RBBP8: variants seen among roughly 807,000 people sequenced by gnomAD.
RBBP8 encodes RB binding protein 8, endonuclease.
Under a neutral mutation model 108.3 loss-of-function variants are expected in RBBP8, and 88 were observed. The observed-to-expected ratio is 0.81, with a 90% CI of 0.68 to 0.97. The LOEUF (loss-of-function observed/expected upper bound fraction) is 0.97, where lower values mean the gene tolerates loss of function less well. Ranked by LOEUF, RBBP8 falls within the 50% of genes least tolerant of loss-of-function variation. The pLI, the probability that RBBP8 is intolerant of heterozygous loss-of-function variation, is 0.00. For missense variants in RBBP8, 1,023 were observed against 1,049.0 expected, an observed-to-expected ratio of 0.98 and a Z score of 0.34; for synonymous variants, 332 against 348.2, an observed-to-expected ratio of 0.95 and a Z score of 0.52.
At chr18:22,981,996 T>C (rs1411235192) in intron 6 of RBBP8, among the ~76,000 whole-genome samples, 1 of 152,206 alleles carries the variant, frequency 6.6e-6, no homozygotes, top group Non-Finnish European at 1.5e-5. Flanking sequence ...TAATTTCACC[T>C]GAAGTGCTAT....
intron 7 of RBBP8, among the ~76,000 whole-genome samples, chr18:22,983,864 G>A (rs1197352668): frequency 1.3e-5 from 1 of 76,612 alleles, no homozygotes; most frequent in Non-Finnish European, 4.0e-5. Flanking sequence ...GGTGGATCAC[G>A]AGGTCAGGAG....
intron 4 of RBBP8, among the ~76,000 whole-genome samples, chr18:22,958,972 A>AGGGATCTAAT (rs1912833721): frequency 6.6e-6 from 1 of 152,182 alleles, no homozygotes; most frequent in East Asian, 1.9e-4. Flanking sequence ...GCATTAATTC[A>AGGGATCTAAT]GTTATTTCAT....
chr18:23,012,656 A>G (rs1268191303), intron 16 of RBBP8, among the ~76,000 whole-genome samples: 3 of 152,126 alleles, frequency 2.0e-5, no homozygotes, highest in Non-Finnish European at 2.9e-5. Context: ...CCATGTCCAT[A>G]ATATAAAAGT....
At chr18:22,980,835 C>G (rs1411192905) in intron 6 of RBBP8, among the ~76,000 whole-genome samples, 1 of 151,538 alleles carries the variant, frequency 6.6e-6, no homozygotes, top group East Asian at 1.9e-4. Flanking sequence ...CCACCTCACC[C>G]TCCCAAGTAG....
intron 9 of RBBP8, 26 bp from the exon 10 acceptor site, chr18:22,990,911 A>T (rs2144691978): frequency 1.3e-6 from 2 of 1,507,210 alleles, no homozygotes; most frequent in Non-Finnish European, 9.2e-7. Flanking sequence ...CATTACATGG[A>T]TGTGCTTCAT....
In RBBP8 at chr18:22,959,384, T is replaced by C. The variant is rs140798714; in HGVS notation, c.249-9422T>C. ...ACAGATTTTCTTTTCCTTTCTGAAA[T>C]TTTTCCTTGTTCTGATCAACCTTCG... On this transcript the variant is annotated intron_variant, in intron 4 of 18. Coordinates refer to ENST00000327155, the MANE Select transcript of RBBP8 (RefSeq NM_002894.3). Among the ~76,000 whole-genome samples, 127 of 152,314 alleles carry C rather than the reference T, an allele frequency of 8.3e-4. No individual in the cohort carries two copies. The Middle Eastern group carries it at 0.017, about 20-fold the overall frequency.
intron 16 of RBBP8, among the ~76,000 whole-genome samples, chr18:23,014,349 G>A (rs1376088422): frequency 6.6e-6 from 1 of 152,166 alleles, no homozygotes; most frequent in African/African-American, 2.4e-5. Flanking sequence ...TGATTCCTGT[G>A]ATGGGCAAAG....
At chr18:23,024,334 C>T (rs1421166723) in intron 18 of RBBP8, among the ~76,000 whole-genome samples, 2 of 152,112 alleles carry the variant, frequency 1.3e-5, no homozygotes, top group African/African-American at 4.8e-5. Context: ...AATAAGACAA[C>T]ATACTCTTAG....
At chr18:22,928,506 T>C (rs187205060), upstream of RBBP8, among the ~76,000 whole-genome samples, 1 of 151,960 alleles carries the variant, frequency 6.6e-6, no homozygotes, top group Admixed American at 6.6e-5. Context: ...AGAAAAACAT[T>C]GTATGAGCCA....
intron 13 of RBBP8, among the ~76,000 whole-genome samples, chr18:22,996,723 G>A (rs1204785069): frequency 6.6e-6 from 1 of 152,118 alleles, no homozygotes; most frequent in Non-Finnish European, 1.5e-5. Context: ...GTGGGCAGGC[G>A]CAGTGGCTCA....
Position 22,982,290 on chromosome 18 carries a change from C to T in RBBP8, c.501C>T (p.Ala167=), listed in dbSNP as rs1472057483. The T allele has an allele frequency of 1.2e-6, 2 of 1,614,050 alleles. No individual in the cohort carries two copies. The highest frequency in any genetic ancestry group is 1.7e-6 in the Non-Finnish European group (2 of 1,180,020). The change falls in exon 7 of 19, where the codon GCC becomes GCT. Residue 167 remains alanine (A), a synonymous_variant. Coordinates refer to ENST00000327155, the MANE Select transcript of RBBP8 (RefSeq NM_002894.3). ...EDVIPDSPIT[A]FSFSGVNRLR... ...TTATTCCAGATTCACCGATAACAGC[C>T]TTCTCATTTTCTGGCGTTAACCGGC...
rs1300240026 is a variant in RBBP8 at position 22,969,028 on chromosome 18, T to C, written c.361+110T>C. 1.5e-5 allele frequency: 13 copies of C among 843,822 alleles called. No homozygotes were observed. The African/African-American group carries it at 2.1e-4, about 14-fold the overall frequency. The allele number at this position is 843,822 out of a possible 1,614,324, so 52.3% of individuals were successfully genotyped here. On this transcript the variant is annotated intron_variant, in intron 5 of 18. Transcript: ENST00000327155. ...GATGGTTTACATATATTTTTCCTTA[T>C]TTAGTAAAAGTTCAAATGTCCTTTT... is the stretch of plus-strand genomic sequence containing the variant.
At chr18:23,002,069 C>T (rs892979872) in intron 15 of RBBP8, among the ~76,000 whole-genome samples, 7 of 152,088 alleles carry the variant, frequency 4.6e-5, no homozygotes, top group Non-Finnish European at 8.8e-5. Context: ...TGAGAAATGT[C>T]TATTAATTAT....
chr18:22,928,920 T>C (rs771756781), upstream of RBBP8, among the ~76,000 whole-genome samples: 4 of 152,132 alleles, frequency 2.6e-5, no homozygotes, highest in Non-Finnish European at 4.4e-5. Flanking sequence ...TCCAACCACC[T>C]CGGCCTCCCA....
At chr18:22,943,302 G>A (rs1301666404) in intron 2 of RBBP8, among the ~76,000 whole-genome samples, 2 of 152,042 alleles carry the variant, frequency 1.3e-5, no homozygotes, top group African/African-American at 4.8e-5. Context: ...AGCTAGGCAT[G>A]GTGGTGTGTG....
chr18:22,968,697 T>G (rs1308914468), intron 4 of RBBP8, 109 bp from the exon 5 acceptor site: 4 of 825,674 alleles, frequency 4.8e-6, no homozygotes, highest in Non-Finnish European at 8.1e-6. Flanking sequence ...ATCTAGTTGA[T>G]TTTCACAGTA....
chr18:23,014,875 T>C (rs2046230942), intron 16 of RBBP8, among the ~76,000 whole-genome samples: 1 of 152,040 alleles, frequency 6.6e-6, no homozygotes, highest in Admixed American at 6.6e-5. Context: ...TTTTCTTTTT[T>C]CTGGTTTTTT....
chr18:22,923,671 G>C (rs1909684734), intron 3 of RBBP8, among the ~76,000 whole-genome samples: 1 of 152,138 alleles, frequency 6.6e-6, no homozygotes, highest in African/African-American at 2.4e-5. Flanking sequence ...CATAGTACAA[G>C]AAGGCTGGGA....
Position 23,001,658 on chromosome 18 carries a change from G to A in RBBP8, c.2216G>A (p.Cys739Tyr), listed in dbSNP as rs771319375. 2 of 1,614,132 alleles carry A rather than the reference G, an allele frequency of 1.2e-6. No homozygotes were observed. Among genetic ancestry groups the A allele is most frequent in the South Asian group, 1.1e-5 (1 of 91,074 alleles). The change falls in exon 15 of 19, where the codon TGT (cysteine) becomes TAT (tyrosine). Residue 739 changes from cysteine to tyrosine, a missense_variant. Coordinates refer to ENST00000327155, the MANE Select transcript of RBBP8 (RefSeq NM_002894.3). Reference protein sequence around the residue: ...DRTTHEEYESCLADSFSQAAD... With the variant: ...DRTTHEEYESYLADSFSQAAD... ...ACAACACATGAAGAGTATGAATCCTGTTTGGCAGACAGTTTCTCCCAAGCA... is the reference window on the plus strand; with the variant it reads ...ACAACACATGAAGAGTATGAATCCTATTTGGCAGACAGTTTCTCCCAAGCA...
Sources: allele counts gnomAD v4.1 joint callset (sites outside exome capture counted in the v4.1 genomes callset), GRCh38; gene constraint gnomAD v4.1.1; transcripts MANE v1.5; gene names NCBI Gene and HGNC (gene_info 2026-07-23, HGNC 2026-07-21).